The following CACNA2D3 variants were observed in gnomAD, a reference collection of about 807,000 sequenced individuals.
CACNA2D3 encodes calcium voltage-gated channel auxiliary subunit alpha2delta 3.
A neutral mutation model predicts 160.6 loss-of-function variants in CACNA2D3; 60 were observed. That is an observed-to-expected ratio of 0.37 (90% confidence interval 0.30 to 0.46). CACNA2D3 has a LOEUF of 0.46. Among genes scored for constraint, CACNA2D3 ranks in the 20% least tolerant of loss-of-function variants. CACNA2D3 has a pLI of 1.00. For synonymous variants in CACNA2D3, 558 were observed against 492.9 expected (o/e 1.13, Z -1.75); for missense variants, 1,205 against 1,365.0 (o/e 0.88, Z 1.85).
intron 2 of CACNA2D3, among the ~76,000 whole-genome samples, chr3:54,179,367 C>G (rs1261330330): frequency 6.6e-6 from 1 of 152,078 alleles, no homozygotes; most frequent in Non-Finnish European, 1.5e-5. Flanking sequence ...AGAAGAAGCT[C>G]CTTCTGCAGG....
At chr3:54,879,955 GTTT>G (rs1699753715) in intron 20 of CACNA2D3, among the ~76,000 whole-genome samples, 1 of 152,180 alleles carries the variant, frequency 6.6e-6, no homozygotes, top group African/African-American at 2.4e-5. Context: ...GCATTCTAAA[GTTT>G]CCCACTACTA....
chr3:54,938,455 C>A (rs1401499366), intron 27 of CACNA2D3, among the ~76,000 whole-genome samples: 1 of 152,184 alleles, frequency 6.6e-6, no homozygotes, highest in East Asian at 1.9e-4. Context: ...TGGCACCATG[C>A]TAACATAATC....
intron 2 of CACNA2D3, among the ~76,000 whole-genome samples, chr3:54,166,575 T>C (rs948425579): frequency 3.3e-5 from 5 of 152,226 alleles, no homozygotes; most frequent in Admixed American, 3.3e-4. Flanking sequence ...AATTTGGTAA[T>C]GTGGGGAAGA....
At chr3:54,441,604 GT>G (rs1700146050) in intron 4 of CACNA2D3, among the ~76,000 whole-genome samples, 1 of 152,130 alleles carries the variant, frequency 6.6e-6, no homozygotes, top group Non-Finnish European at 1.5e-5. Context: ...TTCTTGTAGG[GT>G]TTTTATGGTT....
At chr3:54,522,446 TG>T (rs1167888317) in intron 5 of CACNA2D3, among the ~76,000 whole-genome samples, 1 of 152,242 alleles carries the variant, frequency 6.6e-6, no homozygotes, top group East Asian at 1.9e-4. Context: ...GGAATTTCTA[TG>T]TACAAGCTTA....
chr3:54,375,312 C>G (rs575487203), intron 3 of CACNA2D3, among the ~76,000 whole-genome samples: 6 of 152,124 alleles, frequency 3.9e-5, no homozygotes, highest in Non-Finnish European at 7.3e-5. Context: ...CCTTATATTC[C>G]CAGATGAACA....
At chr3:54,218,046 T>C (rs573209997) in intron 2 of CACNA2D3, among the ~76,000 whole-genome samples, 2 of 151,696 alleles carry the variant, frequency 1.3e-5, no homozygotes, top group Non-Finnish European at 2.9e-5. Context: ...GAGAAAGGTG[T>C]GTTAGAGAGA....
intron 13 of CACNA2D3, among the ~76,000 whole-genome samples, chr3:54,783,261 T>G (rs751510905): frequency 2.6e-5 from 4 of 151,958 alleles, no homozygotes; most frequent in Non-Finnish European, 4.4e-5. Context: ...TTGAGTTATA[T>G]CACCTCTACT....
At chr3:54,652,675 G>T (rs1381991759) in intron 11 of CACNA2D3, among the ~76,000 whole-genome samples, 1 of 152,038 alleles carries the variant, frequency 6.6e-6, no homozygotes, top group Non-Finnish European at 1.5e-5. Context: ...TGGGAACAGG[G>T]TGATAGGAAG....
chr3:54,666,141 G>A (rs1452864939), intron 11 of CACNA2D3, among the ~76,000 whole-genome samples: 2 of 152,274 alleles, frequency 1.3e-5, no homozygotes, highest in African/African-American at 2.4e-5. Flanking sequence ...AGGAATAAGA[G>A]GGTTTGCCTC....
intron 11 of CACNA2D3, among the ~76,000 whole-genome samples, 179 bp downstream of exon 11, chr3:54,642,420 A>G (rs1699542849): frequency 6.7e-6 from 1 of 148,598 alleles, no homozygotes; most frequent in Non-Finnish European, 1.5e-5. Context: ...TTTTCAAAAA[A>G]TGAAACTTTT....
chr3:54,884,121 T>C (rs377170124), intron 21 of CACNA2D3, among the ~76,000 whole-genome samples: 2 of 151,926 alleles, frequency 1.3e-5, no homozygotes, highest in Admixed American at 6.6e-5. Flanking sequence ...AGGAAAGTTG[T>C]TTGGTTGGGA....
At chr3:54,890,011 T>G (rs1321929000) in intron 24 of CACNA2D3, among the ~76,000 whole-genome samples, 1 of 152,170 alleles carries the variant, frequency 6.6e-6, no homozygotes, top group Non-Finnish European at 1.5e-5. Flanking sequence ...ATTGTTTTGG[T>G]TTTTATTCAG....
In CACNA2D3 at chr3:54,854,100, C is replaced by A. The variant is rs111740023; in HGVS notation, c.1626+7633C>A. Among the ~76,000 whole-genome samples the A allele has an allele frequency of 9.5e-3, 1,453 of 152,256 alleles. 34 individuals carry two copies. The highest frequency in any genetic ancestry group is 0.033 in the African/African-American group (1,367 of 41,550). ...GAGCCCGGGCGACTGCAACCTAGGC[C>A]TGGTCTGAGTCCATTTCGTTTAGTT... On this transcript the variant is annotated intron_variant, in intron 17 of 37. Coordinates refer to ENST00000474759, the MANE Select transcript of CACNA2D3 (RefSeq NM_018398.3).
chr3:55,038,489 A>C (rs951483521), intron 35 of CACNA2D3, among the ~76,000 whole-genome samples: 1 of 152,168 alleles, frequency 6.6e-6, no homozygotes, highest in Non-Finnish European at 1.5e-5. Context: ...TTGCATCTAC[A>C]GGTGTGAACA....
At chr3:54,566,666 A>G (rs17054148) in intron 6 of CACNA2D3, among the ~76,000 whole-genome samples, 1,582 of 152,332 alleles carry the variant, frequency 0.01, 37 homozygotes, top group African/African-American at 0.035. Flanking sequence ...CATGATTATA[A>G]GAAGCCCTGG....
At chr3:54,626,390 TGC>T (rs1699103322) in intron 9 of CACNA2D3, 7 of 1,569,922 alleles carry the variant, frequency 4.5e-6, no homozygotes, top group Non-Finnish European at 6.0e-6. Flanking sequence ...CTGAAGTGCC[TGC>T]GCAAGGCCAA....
intron 27 of CACNA2D3, among the ~76,000 whole-genome samples, chr3:54,950,715 G>A (rs957572311): frequency 3.3e-5 from 5 of 152,124 alleles, no homozygotes; most frequent in African/African-American, 4.8e-5. Context: ...TTTACTGCTC[G>A]GCTGTGAGAT....
chr3:55,068,309 T>G (rs1704715729), intron 35 of CACNA2D3, among the ~76,000 whole-genome samples: 1 of 152,226 alleles, frequency 6.6e-6, no homozygotes, highest in African/African-American at 2.4e-5. Context: ...ATCATCAACC[T>G]AGAGACAACA....
Sources: allele counts gnomAD v4.1 joint callset (sites outside exome capture counted in the v4.1 genomes callset), GRCh38; gene constraint gnomAD v4.1.1; transcripts MANE v1.5; gene names NCBI Gene and HGNC (gene_info 2026-07-23, HGNC 2026-07-21).